The following RGS6 variants were observed in gnomAD, a reference collection of about 807,000 sequenced individuals.
RGS6 encodes regulator of G-protein signaling 6.
A neutral mutation model predicts 78.5 loss-of-function variants in RGS6; 30 were observed. The ratio of observed to expected loss-of-function variants is 0.38; its 90% CI spans 0.29 to 0.52. The LOEUF (loss-of-function observed/expected upper bound fraction) is 0.52. Among genes scored for constraint, RGS6 ranks in the 20% least tolerant of loss-of-function variants. The pLI is 0.85. For synonymous variants in RGS6, 206 were observed against 206.0 expected (o/e 1.00, Z 0.00); for missense variants, 495 against 609.7 (o/e 0.81, Z 1.98).
intron 2 of RGS6, among the ~76,000 whole-genome samples, chr14:72,316,093 T>C (rs1040735245): frequency 2.0e-5 from 3 of 152,214 alleles, no homozygotes; most frequent in African/African-American, 4.8e-5. Context: ...TTCCTTTTCT[T>C]CCTTCATGGA....
intron 2 of RGS6, among the ~76,000 whole-genome samples, chr14:72,048,980 A>T (rs1281990945): frequency 6.6e-6 from 1 of 152,158 alleles, no homozygotes; most frequent in Non-Finnish European, 1.5e-5. Flanking sequence ...TACTTTTATT[A>T]TGATGATGAT....
At chr14:71,986,581 G>A (rs2094720229) in intron 2 of RGS6, among the ~76,000 whole-genome samples, 1 of 151,910 alleles carries the variant, frequency 6.6e-6, no homozygotes, top group Non-Finnish European at 1.5e-5. Context: ...GTGGTGGCGT[G>A]CACCTGTAAT....
intron 3 of RGS6, among the ~76,000 whole-genome samples, chr14:72,419,866 T>C (rs369726120): frequency 1.6e-4 from 25 of 152,188 alleles, no homozygotes; most frequent in African/African-American, 5.8e-4. Flanking sequence ...TTTAAAAACA[T>C]AGAAATGCAG....
At chr14:72,031,490 C>T (rs79767023) in intron 2 of RGS6, among the ~76,000 whole-genome samples, 2,631 of 152,094 alleles carry the variant, frequency 0.017, 59 homozygotes, top group African/African-American at 0.055. Context: ...CTTGTGGTAA[C>T]ATAACTCCTC....
intron 15 of RGS6, among the ~76,000 whole-genome samples, chr14:72,520,585 G>A (rs185099243): frequency 6.6e-6 from 1 of 152,160 alleles, no homozygotes; most frequent in Non-Finnish European, 1.5e-5. Context: ...CTTTCATAAA[G>A]AGAAACTTCC....
chr14:71,943,684 G>A (rs1392284948), intron 1 of RGS6, among the ~76,000 whole-genome samples: 1 of 152,232 alleles, frequency 6.6e-6, no homozygotes, highest in Non-Finnish European at 1.5e-5. Flanking sequence ...AGGAAGAGAA[G>A]TGAAAAAGGA....
chr14:72,067,542 G>A lies in RGS6; in HGVS notation c.84+102667G>A, dbSNP rs138063627. Reference sequence around the variant, plus strand: ...ATTTGGATTTAGCAGGGTTTAGTGCGGCACTTTTTAATCACACACACTAAT... The same window carrying A: ...ATTTGGATTTAGCAGGGTTTAGTGCAGCACTTTTTAATCACACACACTAAT... On this transcript the variant is annotated intron_variant, in intron 2 of 17. Coordinates refer to ENST00000553525, the MANE Select transcript of RGS6 (RefSeq NM_001204424.2). 3.9e-3 allele frequency among the ~76,000 whole-genome samples: 572 copies of A among 145,884 alleles called. 1 individual carries two copies. The highest frequency in any genetic ancestry group is 0.014 in the African/African-American group (558 of 39,972).
intron 1 of RGS6, among the ~76,000 whole-genome samples, chr14:71,950,030 A>G (rs1339091291): frequency 6.6e-6 from 1 of 152,046 alleles, no homozygotes; most frequent in Non-Finnish European, 1.5e-5. Flanking sequence ...CTATTTCTCT[A>G]ATATAATATT....
chr14:72,515,441 G>A (rs960646464), intron 14 of RGS6, among the ~76,000 whole-genome samples: 6 of 152,234 alleles, frequency 3.9e-5, no homozygotes, highest in Non-Finnish European at 5.9e-5. Flanking sequence ...CAAGGCGGGC[G>A]GATCACTTGA....
chr14:72,416,917 A>G (rs2093854182), intron 3 of RGS6, among the ~76,000 whole-genome samples: 1 of 152,196 alleles, frequency 6.6e-6, no homozygotes, highest in African/African-American at 2.4e-5. Flanking sequence ...TGGCATGAGG[A>G]TTAGACAGGT....
At chr14:72,230,167 C>T (rs1347547795) in intron 2 of RGS6, among the ~76,000 whole-genome samples, 2 of 152,188 alleles carry the variant, frequency 1.3e-5, no homozygotes, top group African/African-American at 4.8e-5. Context: ...CTAGGCAGAA[C>T]AGCTAATGTC....
the RGS6 span, among the ~76,000 whole-genome samples, chr14:71,905,903 A>G: frequency 6.6e-6 from 1 of 152,220 alleles, no homozygotes; most frequent in Non-Finnish European, 1.5e-5. Context: ...TTAAACAAAG[A>G]TATCAAAGGA....
chr14:72,194,446 C>G (rs1324687292), intron 2 of RGS6, among the ~76,000 whole-genome samples: 4 of 83,512 alleles, frequency 4.8e-5, no homozygotes, highest in Non-Finnish European at 9.4e-5. Context: ...TCATAGCTCA[C>G]TGCAGTCTCA....
chr14:72,341,958 C>T (rs1045056024), intron 2 of RGS6, among the ~76,000 whole-genome samples: 1 of 152,124 alleles, frequency 6.6e-6, no homozygotes, highest in Non-Finnish European at 1.5e-5. Context: ...TTCCAGGACA[C>T]TGGATGGACT....
chr14:71,901,895 G>T, the RGS6 span, among the ~76,000 whole-genome samples: 1 of 152,112 alleles, frequency 6.6e-6, no homozygotes, highest in Non-Finnish European at 1.5e-5. Context: ...TAAAATTCTG[G>T]CCAATAAAAT....
At chr14:72,082,654 A>G (rs79182165) in intron 2 of RGS6, among the ~76,000 whole-genome samples, 6,577 of 152,184 alleles carry the variant, frequency 0.043, 204 homozygotes, top group Non-Finnish European at 0.064. Flanking sequence ...GTTAGTTATT[A>G]TATGTCAATT....
At chr14:72,290,442 C>G (rs2063380073) in intron 2 of RGS6, among the ~76,000 whole-genome samples, 1 of 152,204 alleles carries the variant, frequency 6.6e-6, no homozygotes, top group Non-Finnish European at 1.5e-5. Context: ...TCTGCCAGCC[C>G]TCTTCCTTCC....
chr14:72,472,579 A>G (rs1167632314), intron 8 of RGS6, among the ~76,000 whole-genome samples: 1 of 152,228 alleles, frequency 6.6e-6, no homozygotes, highest in African/African-American at 2.4e-5. Context: ...AATACTTCAG[A>G]TGAACAGCTG....
rs537713876 is a variant in RGS6 at position 72,144,142 on chromosome 14, A to G, written c.84+179267A>G. Reference sequence around the variant, plus strand: ...CTGGAGAGCCATCATGCTTCCTGGTATATTTACTGTGGAAAACCCTGACTC... The same window carrying G: ...CTGGAGAGCCATCATGCTTCCTGGTGTATTTACTGTGGAAAACCCTGACTC... On this transcript the variant is annotated intron_variant, in intron 2 of 17. Coordinates refer to ENST00000553525, the MANE Select transcript of RGS6 (RefSeq NM_001204424.2). Among the ~76,000 whole-genome samples the G allele has an allele frequency of 3.3e-5, 5 of 152,314 alleles. No individual in the cohort carries two copies. In the East Asian group the frequency reaches 9.6e-4, roughly 29 times the overall value.
Sources: gnomAD v4.1 joint callset for allele counts (sites outside exome capture counted in the v4.1 genomes callset) on GRCh38, gnomAD v4.1.1 for gene constraint, MANE v1.5 for transcripts, NCBI Gene and HGNC (gene_info 2026-07-23, HGNC 2026-07-21) for gene names.